BTBD9: variants seen among roughly 807,000 people sequenced by gnomAD.
The protein encoded by BTBD9 is BTB domain containing 9.
In BTBD9, 49 loss-of-function variants were observed where a neutral mutation model predicts 64.3. The ratio of observed to expected loss-of-function variants is 0.76; its 90% CI spans 0.61 to 0.97. The LOEUF (loss-of-function observed/expected upper bound fraction) is 0.97, where lower values mean the gene tolerates loss of function less well. Ranked by LOEUF, BTBD9 falls within the 50% of genes least tolerant of loss-of-function variation. The probability of loss-of-function intolerance (pLI) is 0.00; values close to 1 mark genes in which losing one functional copy is unlikely to be tolerated. For missense variants in BTBD9, 598 were observed against 762.1 expected (o/e 0.78, Z 2.53); for synonymous variants, 260 against 274.7 (o/e 0.95, Z 0.53).
Position 38,577,673 on chromosome 6 carries a change from C to T in BTBD9, c.1081G>A (p.Val361Ile). ...IEVSMDELDWVRVIDHSQYLC... is the reference protein window; with the variant it reads ...IEVSMDELDWIRVIDHSQYLC... ...TATTGTGAATGATCTATCACTCTGA[C>T]CCAATCAAGTTCATCCATTGACACT... The change falls in exon 6 of 11, where the codon GTC (valine) becomes ATC (isoleucine). Residue 361 changes from valine to isoleucine, a missense_variant. By Grantham distance (29) the Val-to-Ile change is conservative. Coordinates refer to ENST00000481247, the MANE Select transcript of BTBD9 (RefSeq NM_001099272.2). 1.9e-6 allele frequency: 3 copies of T among 1,610,336 alleles called. No individual in the cohort carries two copies. Among genetic ancestry groups the T allele is most frequent in the Non-Finnish European group, 2.5e-6 (3 of 1,179,362 alleles).
rs376289831 is a variant in BTBD9 at position 38,521,274 on chromosome 6, T to G, written c.1154+56326A>C. On this transcript the variant is annotated intron_variant, in intron 6 of 10. Coordinates refer to ENST00000481247, the MANE Select transcript of BTBD9 (RefSeq NM_001099272.2). ...CTCCATCTACAAAATGTGGAAATAG[T>G]ACCTTACTATTACAAGTTTAAGAAA... Among the ~76,000 whole-genome samples the G allele has an allele frequency of 1.2e-4, 19 of 152,342 alleles. 1 individual carries two copies. Among genetic ancestry groups the G allele is most frequent in the African/African-American group, 4.3e-4 (18 of 41,582 alleles).
At chr6:38,455,361 G>T (rs1769749070) in intron 6 of BTBD9, among the ~76,000 whole-genome samples, 1 of 152,002 alleles carries the variant, frequency 6.6e-6, no homozygotes, top group East Asian at 1.9e-4. Context: ...TTTGAGATGG[G>T]GTCTTGCTTT....
At chr6:38,570,746 C>T (rs1410201203) in intron 6 of BTBD9, among the ~76,000 whole-genome samples, 2 of 152,164 alleles carry the variant, frequency 1.3e-5, no homozygotes, top group Non-Finnish European at 2.9e-5. Flanking sequence ...CAGATGACAA[C>T]TCAAGAACTA....
intron 6 of BTBD9, among the ~76,000 whole-genome samples, chr6:38,496,655 T>TAA (rs951014301): frequency 8.8e-5 from 11 of 125,162 alleles, no homozygotes; most frequent in South Asian, 2.6e-4. Flanking sequence ...CCCTGTCTCT[T>TAA]AAAAAAAAAA....
At chr6:38,365,775 A>C (rs1317441415) in intron 6 of BTBD9, among the ~76,000 whole-genome samples, 2 of 151,168 alleles carry the variant, frequency 1.3e-5, no homozygotes, top group African/African-American at 4.9e-5. Context: ...AAAAAAAAAA[A>C]CATACTGAAG....
At chr6:38,238,402 A>G (rs1027823877) in intron 9 of BTBD9, among the ~76,000 whole-genome samples, 1 of 151,990 alleles carries the variant, frequency 6.6e-6, no homozygotes. Context: ...TCTGATTGGC[A>G]ATTGGTTGAG....
chr6:38,595,103 C>G (rs2127494382), intron 2 of BTBD9, among the ~76,000 whole-genome samples: 2 of 152,132 alleles, frequency 1.3e-5, no homozygotes, highest in South Asian at 4.2e-4. Context: ...ATATGGTAGG[C>G]AAGTAAATAA....
rs368292988 is a variant in BTBD9, at chr6:38,342,473, T to C, written c.1264+2511A>G. Among the ~76,000 whole-genome samples, 11 of 149,358 alleles carry C rather than the reference T, an allele frequency of 7.4e-5. No homozygotes were observed. The South Asian group carries it at 1.3e-3, about 17-fold the overall frequency. The stretch of plus-strand genomic sequence containing the variant: ...ATTGCTTGAACCCAGGAGGTGGAGG[T>C]TGCAGTGAGGCAAGATTGTGCCACT... On this transcript the variant is annotated intron_variant, in intron 7 of 10. Coordinates refer to ENST00000481247, the MANE Select transcript of BTBD9 (RefSeq NM_001099272.2).
chr6:38,351,746 G>A (rs1302460097), intron 6 of BTBD9, among the ~76,000 whole-genome samples: 8 of 151,870 alleles, frequency 5.3e-5, no homozygotes, highest in East Asian at 1.9e-4. Context: ...TGATCTGCCC[G>A]CCTCGGCCTC....
At chr6:38,534,464 C>A (rs1773927178) in intron 6 of BTBD9, among the ~76,000 whole-genome samples, 1 of 142,318 alleles carries the variant, frequency 7.0e-6, no homozygotes, top group African/African-American at 2.6e-5. Flanking sequence ...ACCAATTCTA[C>A]TCAAACTGTT....
chr6:38,629,855 G>C (rs1319130266), intron 1 of BTBD9, among the ~76,000 whole-genome samples: 1 of 151,762 alleles, frequency 6.6e-6, no homozygotes, highest in African/African-American at 2.4e-5. Flanking sequence ...AACAAAACTG[G>C]CCTAAACCCT....
rs552896705 is a variant in BTBD9 at position 38,180,477 on chromosome 6, C to T, written c.1642-5295G>A. Among the ~76,000 whole-genome samples, 177 of 152,248 alleles carry T rather than the reference C, an allele frequency of 1.2e-3. No individual in the cohort carries two copies. In the Middle Eastern group the frequency reaches 0.014, roughly 12 times the overall value. ...GGGCATGTGGCCCTCCCCTTCCCAC[C>T]GTAACCCCAAGCTCCTCAGCCCACT... On this transcript the variant is annotated intron_variant, in intron 10 of 10. Transcript: ENST00000481247.
chr6:38,401,344 C>A lies in BTBD9; in HGVS notation c.1155-56251G>T, dbSNP rs1424448194. Among the ~76,000 whole-genome samples the A allele has an allele frequency of 2.0e-5, 3 of 152,208 alleles. No individual in the cohort carries two copies. In the East Asian group the frequency reaches 5.8e-4, roughly 29 times the overall value. ...AATTGTAAGTTTCCTGAGGCCTCCC[C>A]AGCCATGCAGAACTGTGAGTCAATG... On this transcript the variant is annotated intron_variant, in intron 6 of 10. Transcript: ENST00000481247.
chr6:38,394,885 G>C (rs1479000702), intron 6 of BTBD9, among the ~76,000 whole-genome samples: 2 of 151,984 alleles, frequency 1.3e-5, no homozygotes, highest in Non-Finnish European at 2.9e-5. Flanking sequence ...CTATAGCCTT[G>C]GCTGACATCT....
intron 6 of BTBD9, among the ~76,000 whole-genome samples, chr6:38,423,544 A>G (rs1423741461): frequency 6.6e-6 from 1 of 152,112 alleles, no homozygotes; most frequent in African/African-American, 2.4e-5. Flanking sequence ...GGCTCAAGCA[A>G]TCCTCTGCCT....
intron 7 of BTBD9, among the ~76,000 whole-genome samples, chr6:38,305,011 G>A (rs998627689): frequency 7.9e-5 from 12 of 150,978 alleles, no homozygotes; most frequent in African/African-American, 2.0e-4. Context: ...TATTCCCACC[G>A]CCAAGAAACA....
chr6:38,511,000 C>G (rs930668715), intron 6 of BTBD9, among the ~76,000 whole-genome samples: 2 of 152,092 alleles, frequency 1.3e-5, no homozygotes, highest in African/African-American at 2.4e-5. Context: ...ATATGCTATA[C>G]TTTTATATAT....
chr6:38,433,552 A>G (rs1190663177), intron 6 of BTBD9, among the ~76,000 whole-genome samples: 3 of 151,766 alleles, frequency 2.0e-5, no homozygotes, highest in Non-Finnish European at 4.4e-5. Context: ...TGCCTGCAAG[A>G]GAAAAACCCC....
intron 6 of BTBD9, among the ~76,000 whole-genome samples, chr6:38,454,320 G>A (rs1054108428): frequency 6.6e-6 from 1 of 151,936 alleles, no homozygotes; most frequent in Admixed American, 6.6e-5. Context: ...AGGTTAGAGA[G>A]TTTAAAGTTT....
Sources: allele counts gnomAD v4.1 joint callset (sites outside exome capture counted in the v4.1 genomes callset), GRCh38; gene constraint gnomAD v4.1.1; transcripts MANE v1.5; gene names NCBI Gene and HGNC (gene_info 2026-07-23, HGNC 2026-07-21).